The following SGCZ variants were observed in gnomAD, a reference collection of about 807,000 sequenced individuals.
SGCZ encodes the protein zeta-sarcoglycan.
SGCZ carries 40 observed loss-of-function variants against 41.3 expected under a neutral mutation model. That is an observed-to-expected ratio of 0.97 (90% CI 0.75 to 1.26). The LOEUF (loss-of-function observed/expected upper bound fraction) is 1.26. Among genes scored for constraint, SGCZ ranks in the 50% most tolerant of loss-of-function variants. SGCZ has a pLI of 0.00. For missense variants in SGCZ, 552 were observed against 369.8 expected (o/e 1.49, Z -4.04); for synonymous variants, 206 against 137.5 (o/e 1.50, Z -3.49).
intron 1 of SGCZ, among the ~76,000 whole-genome samples, chr8:14,881,103 T>C (rs937000949): frequency 1.2e-4 from 19 of 152,132 alleles, no homozygotes; most frequent in Non-Finnish European, 5.9e-5. Context: ...TTATATCTAA[T>C]GAAAATAATG....
chr8:14,237,801 T>C, intron 3 of SGCZ, 122 bp from the exon 4 acceptor site: 2 of 745,362 alleles, frequency 2.7e-6, no homozygotes, highest in Non-Finnish European at 4.2e-6. Flanking sequence ...TATTAGACAG[T>C]TAATTTAACG....
At chr8:14,285,028 G>T (rs1406146707) in intron 3 of SGCZ, among the ~76,000 whole-genome samples, 2 of 151,922 alleles carry the variant, frequency 1.3e-5, no homozygotes, top group African/African-American at 4.8e-5. Flanking sequence ...CTTTTATATT[G>T]GACAGATAGA....
intron 1 of SGCZ, among the ~76,000 whole-genome samples, chr8:14,901,769 C>T (rs944960583): frequency 6.6e-6 from 1 of 152,116 alleles, no homozygotes; most frequent in Non-Finnish European, 1.5e-5. Flanking sequence ...TCAGACTTAA[C>T]AGACTATACC....
In SGCZ at chr8:15,046,793, C is replaced by T. The variant is rs143091469; in HGVS notation, c.39+190792G>A. ...TACAAATGTCTGATGCTAATACTGC[C>T]AAAACCAATCTGACGTTATACCAAA... is the stretch of plus-strand genomic sequence containing the variant. On this transcript the variant is annotated intron_variant, in intron 1 of 7. Coordinates refer to ENST00000382080, the MANE Select transcript of SGCZ (RefSeq NM_139167.4). 8.9e-4 allele frequency among the ~76,000 whole-genome samples: 135 copies of T among 152,072 alleles called. 1 individual carries two copies. Among genetic ancestry groups the T allele is most frequent in the African/African-American group, 3.2e-3 (132 of 41,520 alleles).
At chr8:14,246,960 C>G (rs1428909414) in intron 3 of SGCZ, among the ~76,000 whole-genome samples, 1 of 150,222 alleles carries the variant, frequency 6.7e-6, no homozygotes, top group Admixed American at 6.6e-5. Flanking sequence ...AAATTCATTT[C>G]CTTCAGAATG....
chr8:14,819,489 T>C (rs1585289177), intron 1 of SGCZ, among the ~76,000 whole-genome samples: 7 of 152,208 alleles, frequency 4.6e-5, no homozygotes, highest in Admixed American at 2.0e-4. Context: ...CTCAAGAAAG[T>C]GCTACAACTG....
chr8:14,307,299 G>A (rs1327366104), intron 3 of SGCZ, among the ~76,000 whole-genome samples: 1 of 152,122 alleles, frequency 6.6e-6, no homozygotes, highest in Non-Finnish European at 1.5e-5. Context: ...CAGTTTCAGA[G>A]TGGTGCCAGG....
chr8:14,220,933 T>C (rs1806171172), intron 4 of SGCZ, among the ~76,000 whole-genome samples: 1 of 152,192 alleles, frequency 6.6e-6, no homozygotes, highest in African/African-American at 2.4e-5. Context: ...AACCATGTTG[T>C]CATTGTTAAG....
chr8:14,392,134 A>G (rs927556395), intron 2 of SGCZ, among the ~76,000 whole-genome samples: 1 of 152,124 alleles, frequency 6.6e-6, no homozygotes, highest in Non-Finnish European at 1.5e-5. Flanking sequence ...ATAATATTTC[A>G]GATAAATCAC....
chr8:14,865,448 C>A (rs1223561477), intron 1 of SGCZ, among the ~76,000 whole-genome samples: 3 of 138,398 alleles, frequency 2.2e-5, no homozygotes, highest in Non-Finnish European at 3.0e-5. Flanking sequence ...CTCAGGAACA[C>A]AATCAACCCC....
intron 2 of SGCZ, among the ~76,000 whole-genome samples, chr8:14,538,255 C>T (rs987535586): frequency 6.6e-6 from 1 of 151,850 alleles, no homozygotes; most frequent in Non-Finnish European, 1.5e-5. Context: ...TTAGTGAAGG[C>T]AACCCTTAAA....
At chr8:14,412,688 G>T (rs900320730) in intron 2 of SGCZ, among the ~76,000 whole-genome samples, 76 of 151,990 alleles carry the variant, frequency 5.0e-4, no homozygotes, top group African/African-American at 1.8e-3. Flanking sequence ...ACCAACCATG[G>T]TGGAAATCTC....
chr8:14,368,485 G>T (rs1169772662), intron 2 of SGCZ, among the ~76,000 whole-genome samples: 1 of 152,030 alleles, frequency 6.6e-6, no homozygotes, highest in East Asian at 1.9e-4. Context: ...ATCAGCTTAA[G>T]ACCTTAGTCC....
At chr8:14,566,860 C>G (rs1229618398) in intron 1 of SGCZ, among the ~76,000 whole-genome samples, 1 of 152,190 alleles carries the variant, frequency 6.6e-6, no homozygotes, top group East Asian at 1.9e-4. Context: ...GCACACGGTG[C>G]TTGCGGGCCA....
At chr8:14,632,113 G>T (rs964193501) in intron 1 of SGCZ, among the ~76,000 whole-genome samples, 1 of 152,000 alleles carries the variant, frequency 6.6e-6, no homozygotes, top group African/African-American at 2.4e-5. Context: ...TGACCTGCTG[G>T]GCTTAAATGA....
At chr8:14,535,973 G>C (rs1249676181) in intron 2 of SGCZ, among the ~76,000 whole-genome samples, 1 of 151,744 alleles carries the variant, frequency 6.6e-6, no homozygotes, top group Non-Finnish European at 1.5e-5. Context: ...CAAAATATAA[G>C]TTAATAAAAT....
At chr8:14,553,871 A>G (rs1237247625) in intron 2 of SGCZ, among the ~76,000 whole-genome samples, 1 of 152,098 alleles carries the variant, frequency 6.6e-6, no homozygotes, top group Non-Finnish European at 1.5e-5. Flanking sequence ...AGTTCTAAAG[A>G]ATAATAGCAG....
intron 2 of SGCZ, among the ~76,000 whole-genome samples, chr8:14,393,849 A>C (rs908909874): frequency 6.6e-6 from 1 of 152,110 alleles, no homozygotes; most frequent in African/African-American, 2.4e-5. Flanking sequence ...ATTCTAATGA[A>C]CTCTGAACAT....
At chr8:14,575,845 G>T (rs1804691037) in intron 1 of SGCZ, among the ~76,000 whole-genome samples, 3 of 142,668 alleles carry the variant, frequency 2.1e-5, no homozygotes, top group Non-Finnish European at 4.5e-5. Flanking sequence ...GGCGGAGGTT[G>T]TAGTGAGCCA....
Sources: allele counts gnomAD v4.1 joint callset (sites outside exome capture counted in the v4.1 genomes callset), GRCh38; gene constraint gnomAD v4.1.1; transcripts MANE v1.5; gene names NCBI Gene and HGNC (gene_info 2026-07-23, HGNC 2026-07-21).